The following LRIG3 variants were observed in gnomAD, a reference collection of about 807,000 sequenced individuals.
LRIG3 encodes the protein leucine rich repeats and immunoglobulin like domains 3.
In LRIG3, 76 loss-of-function variants were observed where a neutral mutation model predicts 114.5. That is an observed-to-expected ratio of 0.66 (90% CI 0.55 to 0.80). The LOEUF (loss-of-function observed/expected upper bound fraction) is 0.80. Among genes scored for constraint, LRIG3 ranks in the 30% least tolerant of loss-of-function variants. The pLI is 0.00. For missense variants in LRIG3, 1,239 were observed against 1,382.8 expected (o/e 0.90, Z 1.65); for synonymous variants, 512 against 519.8 (o/e 0.98, Z 0.20).
chr12:58,877,887 T>A, intron 14 of LRIG3, 35 bp from the exon 15 acceptor site: 1 of 1,557,640 alleles, frequency 6.4e-7, no homozygotes, highest in Non-Finnish European at 8.7e-7. Context: ...ATTTCCCAAA[T>A]AAAATTTAGT....
intron 3 of LRIG3, among the ~76,000 whole-genome samples, chr12:58,895,904 T>C (rs1288998524): frequency 6.6e-6 from 1 of 152,176 alleles, no homozygotes; most frequent in Non-Finnish European, 1.5e-5. Flanking sequence ...TTCCCTGACA[T>C]ACAGGATCAG....
At position 58,911,194 on chromosome 12, in the gene LRIG3, G is replaced by A. The variant is rs541789352; in HGVS notation, c.383+2788C>T. Among the ~76,000 whole-genome samples the A allele has an allele frequency of 1.1e-4, 17 of 152,246 alleles. No homozygotes were observed. The South Asian group carries it at 3.1e-3, about 28-fold the overall frequency. ...GAGCTTTGTTAGTGGGAAGATTATC[G>A]CAGATTCCTATCATCCCAGATTCCC... On this transcript the variant is annotated intron_variant, in intron 3 of 18. Transcript: ENST00000320743.
At chr12:58,907,518 C>G (rs1403983265) in intron 3 of LRIG3, among the ~76,000 whole-genome samples, 5 of 152,196 alleles carry the variant, frequency 3.3e-5, no homozygotes, top group African/African-American at 1.2e-4. Flanking sequence ...GGCCCACTGC[C>G]TCCAGTCTCT....
chr12:58,872,446 T>C lies in LRIG3; in HGVS notation c.*126A>G, dbSNP rs2120859050. 8.7e-7 allele frequency: 1 copy of C among 1,145,644 alleles called. No homozygotes were observed. Among genetic ancestry groups the C allele is most frequent in the Non-Finnish European group, 1.2e-6 (1 of 864,224 alleles). 71.0% of individuals were successfully genotyped at this position (1,145,644 alleles called of 1,614,324 possible). On this transcript the variant is annotated 3_prime_UTR_variant, in exon 19 of 19. Transcript: ENST00000320743. ...ACTTTTTGTAATTTTGGTTCATCTG[T>C]ATAAATAAAGCATTTTTATCCTTTT... is the stretch of plus-strand genomic sequence containing the variant.
intron 3 of LRIG3, among the ~76,000 whole-genome samples, chr12:58,903,649 GT>G (rs1265082037): frequency 6.6e-6 from 1 of 151,904 alleles, no homozygotes. Flanking sequence ...CCATGCCTAT[GT>G]CCTGAATGGT....
chr12:58,879,122 A>G lies in LRIG3; in HGVS notation c.1802-17T>C, dbSNP rs764133023. The stretch of plus-strand genomic sequence containing the variant: ...AGGGAAGCACTGAAATCAGAGAAAC[A>G]ATATAGGCATTAGCACAGTGGAGTC... On this transcript the variant is annotated splice_polypyrimidine_tract_variant and intron_variant, in intron 13 of 18. Coordinates refer to ENST00000320743, the MANE Select transcript of LRIG3 (RefSeq NM_153377.5). 1 of 1,603,764 alleles carries G rather than the reference A, an allele frequency of 6.2e-7. No homozygotes were observed. Among genetic ancestry groups the G allele is most frequent in the Non-Finnish European group, 8.5e-7 (1 of 1,173,964 alleles).
intron 3 of LRIG3, among the ~76,000 whole-genome samples, chr12:58,906,607 G>A (rs1872076011): frequency 6.6e-6 from 1 of 151,992 alleles, no homozygotes; most frequent in Admixed American, 6.6e-5. Flanking sequence ...GCAGAATATT[G>A]CAGATCTGAT....
chr12:58,874,400 G>A (rs1870843229), intron 17 of LRIG3, 30 bp downstream of exon 17: 1 of 1,613,376 alleles, frequency 6.2e-7, no homozygotes, highest in Admixed American at 1.7e-5. Context: ...CTAAGAAACA[G>A]AACTGTACTC....
chr12:58,888,549 A>G (rs1592299454), intron 6 of LRIG3, 77 bp from the exon 7 acceptor site: 2 of 1,544,156 alleles, frequency 1.3e-6, no homozygotes, highest in African/African-American at 1.4e-5. Context: ...TATGATTACA[A>G]CCTATTACAG....
At chr12:58,891,534 C>T (rs1871455303) in intron 3 of LRIG3, among the ~76,000 whole-genome samples, 1 of 152,170 alleles carries the variant, frequency 6.6e-6, no homozygotes, top group Admixed American at 6.5e-5. Flanking sequence ...TAATCTATTT[C>T]CAATTCTTCT....
Position 58,872,505 on chromosome 12 carries a change from T to A in LRIG3, c.*67A>T. On this transcript the variant is annotated 3_prime_UTR_variant, in exon 19 of 19. Transcript: ENST00000320743. The stretch of plus-strand genomic sequence containing the variant: ...TAACTCCATTTAAAAAACATAAGAT[T>A]CTCTCTCTTTTAAATAAAAGTTCAC... The A allele has an allele frequency of 6.9e-7, 1 of 1,445,940 alleles. No homozygotes were observed. The highest frequency in any genetic ancestry group is 2.4e-5 in the Admixed American group (1 of 42,222). 89.6% of individuals were successfully genotyped at this position (1,445,940 alleles called of 1,614,324 possible).
chr12:58,893,648 C>A (rs77116922), intron 3 of LRIG3, among the ~76,000 whole-genome samples: 4,862 of 152,216 alleles, frequency 0.032, 147 homozygotes, highest in East Asian at 0.088. Context: ...CCAGGAGACA[C>A]GCCACAAGGC....
At chr12:58,884,665 G>C (rs1319362101) in intron 10 of LRIG3, among the ~76,000 whole-genome samples, 1 of 152,150 alleles carries the variant, frequency 6.6e-6, no homozygotes, top group Non-Finnish European at 1.5e-5. Context: ...CGCACTCACT[G>C]TCTGGGTGGC....
At chr12:58,919,963 G>A in intron 1 of LRIG3, 37 bp downstream of exon 1, 1 of 1,534,638 alleles carries the variant, frequency 6.5e-7, no homozygotes, top group South Asian at 1.2e-5. Flanking sequence ...AATCTCCAGC[G>A]GCCCGGGCCC....
chr12:58,911,248 A>G (rs1054026249), intron 3 of LRIG3, among the ~76,000 whole-genome samples: 3 of 152,170 alleles, frequency 2.0e-5, no homozygotes, highest in African/African-American at 7.2e-5. Context: ...TCCCTAACTG[A>G]ATTTGTCTCT....
At chr12:58,908,407 G>A (rs1467777133) in intron 3 of LRIG3, among the ~76,000 whole-genome samples, 2 of 152,148 alleles carry the variant, frequency 1.3e-5, no homozygotes, top group East Asian at 3.9e-4. Context: ...GAAGGGCACA[G>A]GGGCCGTGAA....
Position 58,920,012 on chromosome 12 carries a change from C to G in LRIG3, c.224G>C (p.Trp75Ser), listed in dbSNP as rs1237315038. 4.5e-6 allele frequency: 7 copies of G among 1,553,472 alleles called. 1 individual carries two copies. The highest frequency in any genetic ancestry group is 2.0e-5 in the Admixed American group (1 of 51,058). Residue 75 changes from tryptophan to serine, a missense_variant, in exon 1 of 19, where the codon TGG becomes TCG. By Grantham distance (177) the Trp-to-Ser change is radical. Transcript: ENST00000320743. ...LARLPEPLPS[W>S]VARLDLSHNR... ...GAAGAATACTTACAGCCGAGCGACCCAGGACGGGAGTGGCTCGGGAAGACG... is the reference window on the plus strand; with the variant it reads ...GAAGAATACTTACAGCCGAGCGACCGAGGACGGGAGTGGCTCGGGAAGACG...
chr12:58,910,629 C>CA lies in LRIG3; in HGVS notation c.383+3352dup, dbSNP rs200163323. Among the ~76,000 whole-genome samples, 67 of 151,754 alleles carry CA rather than the reference C, an allele frequency of 4.4e-4. No individual in the cohort carries two copies. In the East Asian group the frequency reaches 0.01, roughly 23 times the overall value. On this transcript the variant is annotated intron_variant, in intron 3 of 18. Coordinates refer to ENST00000320743, the MANE Select transcript of LRIG3 (RefSeq NM_153377.5). ...TCTCAAAAAAAAACAAAAACAAAAA[C>CA]AAAAAAAACAAGTACCCTAGGTGCC...
chr12:58,881,005 T>C, intron 12 of LRIG3, 104 bp from the exon 13 acceptor site: 1 of 1,092,154 alleles, frequency 9.2e-7, no homozygotes, highest in Non-Finnish European at 1.3e-6. Context: ...GGCTTAGGTT[T>C]TACCCTTTGT....
Sources: gnomAD v4.1 joint callset for allele counts (sites outside exome capture counted in the v4.1 genomes callset) on GRCh38, gnomAD v4.1.1 for gene constraint, MANE v1.5 for transcripts, NCBI Gene and HGNC (gene_info 2026-07-23, HGNC 2026-07-21) for gene names.